Variants in ABCC4 observed in about 807,000 individuals in gnomAD.
The protein encoded by ABCC4 is ATP-binding cassette sub-family C member 4.
ABCC4 carries 102 observed loss-of-function variants against 168.5 expected under a neutral mutation model. The observed-to-expected ratio is 0.61, with a 90% CI of 0.52 to 0.71. The LOEUF is 0.71. Among genes scored for constraint, ABCC4 ranks in the 30% least tolerant of loss-of-function variants. The pLI, the probability that ABCC4 is intolerant of heterozygous loss-of-function variation, is 0.00. For synonymous variants in ABCC4, 617 were observed against 590.7 expected (o/e 1.04, Z -0.65); for missense variants, 1,402 against 1,605.8 (o/e 0.87, Z 2.17).
chr13:95,096,302 A>C, intron 20 of ABCC4: 1 of 433,118 alleles, frequency 2.3e-6, no homozygotes, highest in Non-Finnish European at 4.1e-6. Flanking sequence ...AATAAAAAAG[A>C]CTGAAAGACT....
chr13:95,088,931 A>G (rs73557797), intron 20 of ABCC4, among the ~76,000 whole-genome samples: 4,389 of 152,156 alleles, frequency 0.029, 225 homozygotes, highest in African/African-American at 0.099. Flanking sequence ...AAAAAAACTG[A>G]TGAAATCAAT....
chr13:95,139,065 G>GC (rs1378605133), intron 19 of ABCC4, among the ~76,000 whole-genome samples: 1 of 152,256 alleles, frequency 6.6e-6, no homozygotes, highest in Non-Finnish European at 1.5e-5. Flanking sequence ...CCCAAGCCCA[G>GC]CCCTCTGCTG....
At chr13:95,256,033 A>G (rs1172297417) in intron 1 of ABCC4, among the ~76,000 whole-genome samples, 1 of 152,242 alleles carries the variant, frequency 6.6e-6, no homozygotes, top group Non-Finnish European at 1.5e-5. Flanking sequence ...TCCTTAAAAA[A>G]AGATGCACTT....
At chr13:95,033,826 T>G (rs1015808801) in intron 30 of ABCC4, among the ~76,000 whole-genome samples, 6 of 152,110 alleles carry the variant, frequency 3.9e-5, no homozygotes, top group Non-Finnish European at 8.8e-5. Context: ...CACTCCCAGC[T>G]AATTTTTGTA....
At chr13:95,131,722 C>A (rs896231727) in intron 19 of ABCC4, among the ~76,000 whole-genome samples, 2 of 152,072 alleles carry the variant, frequency 1.3e-5, no homozygotes, top group Non-Finnish European at 2.9e-5. Flanking sequence ...TTGTAGGATT[C>A]ATTGATTTAA....
chr13:95,253,257 C>CT (rs1404792366), intron 1 of ABCC4, among the ~76,000 whole-genome samples: 2 of 152,232 alleles, frequency 1.3e-5, no homozygotes, highest in Non-Finnish European at 2.9e-5. Flanking sequence ...CACCCTCTGC[C>CT]TTTACCTACG....
Position 95,161,216 on chromosome 13 carries a change from C to T in ABCC4, c.2428G>A (p.Val810Ile). Residue 810 changes from valine (V) to isoleucine (I), a missense_variant, in exon 19 of 31, where the codon GTA becomes ATA. Val to Ile is a conservative substitution (Grantham distance 29). Around this residue, in one of 3 missense-constraint regions of ABCC4, gnomAD observed 1,007 missense variants for 1,127.3 expected, o/e 0.89. Transcript: ENST00000645237. ...ATTGGATTTCTATCAAAGAATAATA[C>T]CGGAGCTTTCAGAATTGACTCAAAC... is the stretch of plus-strand genomic sequence containing the variant. Reference protein sequence around the residue: ...KMFESILKAPVLFFDRNPIGR... With the variant: ...KMFESILKAPILFFDRNPIGR... 5 of 1,607,352 alleles carry T rather than the reference C, an allele frequency of 3.1e-6. No homozygotes were observed. Among genetic ancestry groups the T allele is most frequent in the Middle Eastern group, 1.7e-4 (1 of 5,876 alleles).
intron 8 of ABCC4, among the ~76,000 whole-genome samples, chr13:95,198,639 C>G (rs1446223482): frequency 6.6e-6 from 1 of 152,174 alleles, no homozygotes; most frequent in Non-Finnish European, 1.5e-5. Context: ...AATCATTCGA[C>G]TATAAAGACA....
At chr13:95,161,124 G>T in intron 19 of ABCC4, 65 bp downstream of exon 19, 2 of 1,246,094 alleles carry the variant, frequency 1.6e-6, no homozygotes, top group Non-Finnish European at 2.1e-6. Context: ...AGATGGAAAT[G>T]TAATCAGATC....
intron 30 of ABCC4, among the ~76,000 whole-genome samples, chr13:95,030,636 A>T (rs2031836582): frequency 6.6e-6 from 1 of 152,176 alleles, no homozygotes; most frequent in Non-Finnish European, 1.5e-5. Context: ...ACACAGACAT[A>T]CACAGAGAAA....
intron 13 of ABCC4, among the ~76,000 whole-genome samples, chr13:95,172,373 G>A (rs1407124890): frequency 2.0e-5 from 3 of 151,982 alleles, no homozygotes; most frequent in Admixed American, 6.6e-5. Flanking sequence ...CTTGAGGTCG[G>A]GAGTTCAAGC....
At chr13:95,187,318 A>T (rs2038098268) in intron 10 of ABCC4, among the ~76,000 whole-genome samples, 1 of 152,216 alleles carries the variant, frequency 6.6e-6, no homozygotes, top group Non-Finnish European at 1.5e-5. Context: ...TAAATAACAT[A>T]TCCTGGCCAG....
At chr13:95,196,657 G>A (rs1400727128) in intron 8 of ABCC4, among the ~76,000 whole-genome samples, 4 of 32,498 alleles carry the variant, frequency 1.2e-4, no homozygotes, top group South Asian at 2.2e-3. Flanking sequence ...AGGAAGGAAG[G>A]AAGGAAGGAA....
At chr13:95,284,277 C>A (rs561611436) in intron 1 of ABCC4, among the ~76,000 whole-genome samples, 20 of 152,240 alleles carry the variant, frequency 1.3e-4, no homozygotes, top group Non-Finnish European at 2.9e-4. Flanking sequence ...GCCACAACCT[C>A]CTGGGCTCAG....
intron 20 of ABCC4, among the ~76,000 whole-genome samples, chr13:95,100,773 A>G (rs16950624): frequency 0.054 from 8,249 of 152,262 alleles, 392 homozygotes; most frequent in African/African-American, 0.13. Context: ...TTACTTTTGA[A>G]AGACTCAGTA....
At chr13:95,170,427 T>G in intron 14 of ABCC4, 105 bp downstream of exon 14, 1 of 636,310 alleles carries the variant, frequency 1.6e-6, no homozygotes, top group Non-Finnish European at 2.6e-6. Context: ...CTTAAAAACA[T>G]GAATCCCAGC....
chr13:95,209,308 A>G lies in ABCC4; in HGVS notation c.785+126T>C, dbSNP rs545896796. 4.4e-6 allele frequency: 5 copies of G among 1,145,760 alleles called. No individual in the cohort carries two copies. In the South Asian group the frequency reaches 6.5e-5, roughly 15 times the overall value. The allele number at this position is 1,145,760 out of a possible 1,614,324, so 71.0% of individuals were successfully genotyped here. On this transcript the variant is annotated intron_variant, in intron 6 of 30. Coordinates refer to ENST00000645237, the MANE Select transcript of ABCC4 (RefSeq NM_005845.5). ...CAGAGGCCCCCTTGGCTGAGCCTGA[A>G]GAGCTGCAACATATGCAAGGAAGAG...
intron 1 of ABCC4, among the ~76,000 whole-genome samples, chr13:95,288,233 T>C (rs2041310438): frequency 6.6e-6 from 1 of 152,146 alleles, no homozygotes; most frequent in African/African-American, 2.4e-5. Context: ...GGCTCCAGTC[T>C]GAGGCTGTCA....
chr13:95,258,680 G>A (rs373114670), intron 1 of ABCC4, among the ~76,000 whole-genome samples: 30 of 152,148 alleles, frequency 2.0e-4, no homozygotes, highest in African/African-American at 4.3e-4. Context: ...CGGGGTGAAC[G>A]AGTGAGTGAC....
Sources: allele counts gnomAD v4.1 joint callset (sites outside exome capture counted in the v4.1 genomes callset), GRCh38; gene constraint gnomAD v4.1.1; regional missense constraint gnomAD v4.1.1; transcripts MANE v1.5; gene names NCBI Gene and HGNC (gene_info 2026-07-23, HGNC 2026-07-21).